The following ZBTB20 variants were observed in gnomAD, a reference collection of about 807,000 sequenced individuals.
ZBTB20 encodes the protein zinc finger and BTB domain-containing protein 20.
In ZBTB20, 9 loss-of-function variants were observed where a neutral mutation model predicts 56.9. The ratio of observed to expected loss-of-function variants is 0.16; its 90% CI spans 0.10 to 0.28. The LOEUF (loss-of-function observed/expected upper bound fraction) is 0.28. Ranked by LOEUF, ZBTB20 falls within the 10% of genes least tolerant of loss-of-function variation. ZBTB20 has a pLI of 1.00. For missense variants in ZBTB20, 655 were observed against 1,003.0 expected, an observed-to-expected ratio of 0.65 and a Z score of 4.69; for synonymous variants, 417 against 420.7, an observed-to-expected ratio of 0.99 and a Z score of 0.11.
intron 5 of ZBTB20, among the ~76,000 whole-genome samples, chr3:114,786,868 A>G (rs1026311313): frequency 1.6e-4 from 25 of 152,168 alleles, no homozygotes; most frequent in African/African-American, 5.6e-4. Flanking sequence ...AAATTACCCA[A>G]ATGTCTTTCA....
intron 6 of ZBTB20, among the ~76,000 whole-genome samples, chr3:114,530,105 T>G (rs2047675628): frequency 6.6e-6 from 1 of 152,218 alleles, no homozygotes; most frequent in Non-Finnish European, 1.5e-5. Flanking sequence ...AAACATAAAT[T>G]TAGTGTAGCC....
chr3:114,788,527 TG>T (rs1426630168), intron 5 of ZBTB20, among the ~76,000 whole-genome samples: 2 of 152,198 alleles, frequency 1.3e-5, no homozygotes, highest in East Asian at 3.9e-4. Context: ...ATTCTATGTA[TG>T]GACCACATTT....
At chr3:114,925,503 G>A (rs1212346565) in intron 3 of ZBTB20, among the ~76,000 whole-genome samples, 1 of 151,876 alleles carries the variant, frequency 6.6e-6, no homozygotes, top group Non-Finnish European at 1.5e-5. Context: ...TAATTATGGG[G>A]TTTTTATTTG....
intron 2 of ZBTB20, among the ~76,000 whole-genome samples, chr3:115,009,474 C>G (rs1576552983): frequency 6.6e-6 from 1 of 151,872 alleles, no homozygotes; most frequent in Non-Finnish European, 1.5e-5. Context: ...AAAATAATTA[C>G]GTTCTATCAC....
intron 7 of ZBTB20, among the ~76,000 whole-genome samples, chr3:114,473,803 A>T (rs2040425403): frequency 6.6e-6 from 1 of 152,220 alleles, no homozygotes; most frequent in African/African-American, 2.4e-5. Flanking sequence ...GATCTTGATC[A>T]ATCTCTTCAT....
rs867292026 is a variant in ZBTB20, at chr3:114,330,753, T to C, written c.*8252A>G. On this transcript the variant is annotated 3_prime_UTR_variant, in exon 12 of 12. Coordinates refer to ENST00000675478, the MANE Select transcript of ZBTB20 (RefSeq NM_001348800.3). The stretch of plus-strand genomic sequence containing the variant: ...TCTGACTTCTGTAAAACAGAAATAA[T>C]GTACAAATCATAAAAAATAACAAAC... 1 of 150,536 alleles carries C rather than the reference T, an allele frequency of 6.6e-6. No individual in the cohort carries two copies. Among genetic ancestry groups the C allele is most frequent in the Non-Finnish European group, 1.5e-5 (1 of 67,654 alleles). 9.3% of individuals were successfully genotyped at this position (150,536 alleles called of 1,614,324 possible). A position where few individuals can be genotyped will look rare whatever the true frequency, so the allele number is the denominator to read the frequency against.
chr3:114,485,635 G>A (rs965806330), intron 7 of ZBTB20, among the ~76,000 whole-genome samples: 1 of 152,176 alleles, frequency 6.6e-6, no homozygotes, highest in African/African-American at 2.4e-5. Flanking sequence ...AATTGCCCAT[G>A]TGATAGTATT....
At chr3:114,584,227 T>G (rs1428736816) in intron 6 of ZBTB20, among the ~76,000 whole-genome samples, 4 of 152,200 alleles carry the variant, frequency 2.6e-5, no homozygotes, top group Non-Finnish European at 4.4e-5. Flanking sequence ...GAAAGACTTT[T>G]TTTTGTTTGC....
chr3:114,737,529 A>C (rs2066265125), intron 5 of ZBTB20, among the ~76,000 whole-genome samples: 1 of 152,152 alleles, frequency 6.6e-6, no homozygotes, highest in South Asian at 2.1e-4. Context: ...AAATACAACT[A>C]AACAGAACCA....
chr3:114,440,006 C>A (rs1040318484), intron 7 of ZBTB20, among the ~76,000 whole-genome samples: 1 of 151,938 alleles, frequency 6.6e-6, no homozygotes, highest in African/African-American at 2.4e-5. Flanking sequence ...GCTTAGATTT[C>A]AAAAGTCTTC....
At chr3:114,985,568 T>A (rs773110289) in intron 2 of ZBTB20, among the ~76,000 whole-genome samples, 14 of 152,102 alleles carry the variant, frequency 9.2e-5, no homozygotes, top group Non-Finnish European at 1.8e-4. Flanking sequence ...ATTATGTCCT[T>A]TTATGATGTC....
intron 6 of ZBTB20, among the ~76,000 whole-genome samples, chr3:114,564,463 G>C (rs1378003020): frequency 6.6e-6 from 1 of 152,012 alleles, no homozygotes; most frequent in Non-Finnish European, 1.5e-5. Flanking sequence ...TCATAGCATG[G>C]TAAGCTGCAC....
intron 7 of ZBTB20, among the ~76,000 whole-genome samples, chr3:114,416,173 T>C (rs547518819): frequency 5.9e-5 from 9 of 152,054 alleles, no homozygotes; most frequent in Non-Finnish European, 1.3e-4. Flanking sequence ...CACCCAGGGA[T>C]TTAGGTGGCA....
intron 4 of ZBTB20, among the ~76,000 whole-genome samples, chr3:114,875,932 A>T (rs536968199): frequency 4.6e-5 from 7 of 152,242 alleles, no homozygotes; most frequent in Non-Finnish European, 7.4e-5. Context: ...AATATTATAC[A>T]TTATGAATAA....
intron 4 of ZBTB20, among the ~76,000 whole-genome samples, chr3:114,882,677 T>C (rs1339201033): frequency 6.6e-6 from 1 of 152,050 alleles, no homozygotes; most frequent in Non-Finnish European, 1.5e-5. Context: ...CTCTAAGACA[T>C]GGCATTAAGA....
chr3:114,955,180 AT>A (rs2077204668), intron 3 of ZBTB20, among the ~76,000 whole-genome samples: 1 of 152,174 alleles, frequency 6.6e-6, no homozygotes, highest in African/African-American at 2.4e-5. Flanking sequence ...ATATGAAAGA[AT>A]TCTGATAACT....
intron 4 of ZBTB20, among the ~76,000 whole-genome samples, chr3:114,856,445 T>C (rs1348614393): frequency 6.6e-6 from 1 of 152,144 alleles, no homozygotes; most frequent in Non-Finnish European, 1.5e-5. Flanking sequence ...GCCTGTGAGC[T>C]CTTGTTTAGG....
At chr3:115,036,866 C>G (rs762220803) in intron 2 of ZBTB20, among the ~76,000 whole-genome samples, 2 of 152,146 alleles carry the variant, frequency 1.3e-5, no homozygotes, top group African/African-American at 2.4e-5. Flanking sequence ...GGAACCCATA[C>G]AGAACTTACG....
intron 6 of ZBTB20, among the ~76,000 whole-genome samples, chr3:114,674,794 A>G (rs1255107464): frequency 6.6e-6 from 1 of 152,028 alleles, no homozygotes; most frequent in Non-Finnish European, 1.5e-5. Flanking sequence ...GGCCTTGGGT[A>G]TATAATACAC....
Sources: allele counts gnomAD v4.1 joint callset (sites outside exome capture counted in the v4.1 genomes callset), GRCh38; gene constraint gnomAD v4.1.1; transcripts MANE v1.5; gene names NCBI Gene and HGNC (gene_info 2026-07-23, HGNC 2026-07-21).